The following ADAMTSL3 variants were observed in gnomAD, a reference collection of about 807,000 sequenced individuals.
ADAMTSL3 encodes ADAMTS like 3, also known as ADAMTS-like protein 3.
A neutral mutation model predicts 201.7 loss-of-function variants in ADAMTSL3; 128 were observed. That is an observed-to-expected ratio of 0.63 (90% CI 0.55 to 0.73). The LOEUF is 0.73. Ranked by LOEUF, ADAMTSL3 falls within the 30% of genes least tolerant of loss-of-function variation. The pLI is 0.00. For synonymous variants in ADAMTSL3, 738 were observed against 748.4 expected, an observed-to-expected ratio of 0.99 and a Z score of 0.23; for missense variants, 1,990 against 2,119.6, an observed-to-expected ratio of 0.94 and a Z score of 1.20.
chr15:83,960,807 G>T (rs2066953617), intron 19 of ADAMTSL3, among the ~76,000 whole-genome samples: 2 of 152,136 alleles, frequency 1.3e-5, no homozygotes, highest in African/African-American at 4.8e-5. Context: ...AAGTCTCCTA[G>T]CTCGTTTCTC....
At chr15:83,961,149 G>A (rs968423919) in intron 19 of ADAMTSL3, among the ~76,000 whole-genome samples, 2 of 152,070 alleles carry the variant, frequency 1.3e-5, no homozygotes, top group Non-Finnish European at 2.9e-5. Flanking sequence ...TTTTTAAATG[G>A]CAGATACAAA....
rs1332469133 is a variant in ADAMTSL3 at position 84,021,587 on chromosome 15, C to T, written c.4451C>T (p.Pro1484Leu). The T allele has an allele frequency of 6.2e-7, 1 of 1,613,506 alleles. No individual in the cohort carries two copies. Among genetic ancestry groups the T allele is most frequent in the Non-Finnish European group, 8.5e-7 (1 of 1,179,780 alleles). ...GAGCCCTGTAACATCCGGGACTGCC[C>T]AGCGAGGTAAGTGAAGTCACTCTTT... is the stretch of plus-strand genomic sequence containing the variant. ...GFEPCNIRDCPARWFTSVWSQ... is the reference protein window; with the variant it reads ...GFEPCNIRDCLARWFTSVWSQ... The change falls in exon 26 of 30, where the codon CCA becomes CTA. Residue 1484 changes from proline to leucine, a missense_variant. Pro to Leu is a moderately conservative substitution (Grantham distance 98, BLOSUM62 -3). Coordinates refer to ENST00000286744, the MANE Select transcript of ADAMTSL3 (RefSeq NM_207517.3).
chr15:83,757,167 CTG>C (rs1269448638), intron 3 of ADAMTSL3, among the ~76,000 whole-genome samples: 3 of 152,238 alleles, frequency 2.0e-5, no homozygotes, highest in African/African-American at 7.2e-5. Context: ...AGTGGTGACT[CTG>C]TGTGGGGCCC....
intron 2 of ADAMTSL3, among the ~76,000 whole-genome samples, chr15:83,683,068 A>T (rs960323447): frequency 2.0e-5 from 3 of 152,206 alleles, no homozygotes; most frequent in Non-Finnish European, 4.4e-5. Context: ...CCACAAATTC[A>T]ATTTAAGGCA....
intron 2 of ADAMTSL3, among the ~76,000 whole-genome samples, chr15:83,672,183 G>C (rs1407617012): frequency 6.6e-6 from 1 of 152,096 alleles, no homozygotes. Context: ...TCTGAGGGTT[G>C]GTATAGCTCA....
chr15:83,690,504 T>C (rs921055969), intron 2 of ADAMTSL3, among the ~76,000 whole-genome samples: 1 of 152,216 alleles, frequency 6.6e-6, no homozygotes, highest in Non-Finnish European at 1.5e-5. Context: ...CCTCTCCATT[T>C]TTCTGGCTAA....
intron 15 of ADAMTSL3, among the ~76,000 whole-genome samples, chr15:83,906,618 CACACCACACACACACACACA>C (rs2065839173): frequency 3.9e-5 from 1 of 25,628 alleles, no homozygotes; most frequent in East Asian, 1.5e-3. Flanking sequence ...TATAGTGCCA[CACACCACACACACACACACA>C]CACACACACA....
intron 4 of ADAMTSL3, among the ~76,000 whole-genome samples, chr15:83,796,746 A>G (rs2063433953): frequency 6.6e-6 from 1 of 152,220 alleles, no homozygotes; most frequent in Non-Finnish European, 1.5e-5. Context: ...GAGCCCAGAA[A>G]CAGATATATG....
intron 3 of ADAMTSL3, among the ~76,000 whole-genome samples, chr15:83,768,053 A>C (rs751447989): frequency 6.6e-6 from 1 of 152,194 alleles, no homozygotes; most frequent in South Asian, 2.1e-4. Flanking sequence ...AAAACCAACA[A>C]GAGGAAATTC....
chr15:83,705,439 G>T (rs1032947130), intron 3 of ADAMTSL3, among the ~76,000 whole-genome samples: 2 of 152,154 alleles, frequency 1.3e-5, no homozygotes, highest in Admixed American at 1.3e-4. Context: ...TTTAGGTAAA[G>T]CCTAGTCAGA....
At chr15:83,671,780 C>T (rs557633513) in intron 2 of ADAMTSL3, among the ~76,000 whole-genome samples, 38 of 152,252 alleles carry the variant, frequency 2.5e-4, no homozygotes, top group Admixed American at 2.0e-3. Context: ...GTTTTCTTGT[C>T]TCCTATTGAT....
intron 27 of ADAMTSL3, among the ~76,000 whole-genome samples, chr15:84,029,566 T>C (rs1182243826): frequency 6.6e-6 from 1 of 152,198 alleles, no homozygotes; most frequent in Admixed American, 6.5e-5. Flanking sequence ...TTGGAACTTA[T>C]GTTTCAAAGG....
intron 23 of ADAMTSL3, among the ~76,000 whole-genome samples, chr15:84,008,730 A>G (rs2067945518): frequency 6.6e-6 from 1 of 152,128 alleles, no homozygotes; most frequent in Non-Finnish European, 1.5e-5. Context: ...CTAGATTAAC[A>G]TGTCCACATG....
At position 84,033,225 on chromosome 15, in the gene ADAMTSL3, C is replaced by T. The variant is rs575331552; in HGVS notation, c.4754+1793C>T. The stretch of plus-strand genomic sequence containing the variant: ...ATGCTCCTTTCCAACCCAGTCTCCA[C>T]AGTACAGCCAGAGTGAGTTTTCCCA... On this transcript the variant is annotated intron_variant, in intron 28 of 29. Transcript: ENST00000286744. 1.3e-4 allele frequency among the ~76,000 whole-genome samples: 20 copies of T among 152,300 alleles called. 1 individual carries two copies. Among genetic ancestry groups the T allele is most frequent in the Admixed American group, 2.0e-4 (3 of 15,294 alleles).
intron 6 of ADAMTSL3, among the ~76,000 whole-genome samples, chr15:83,830,721 G>T (rs970142516): frequency 6.6e-6 from 1 of 152,130 alleles, no homozygotes; most frequent in African/African-American, 2.4e-5. Flanking sequence ...TTAAAATCAG[G>T]GTATCAGCAG....
intron 26 of ADAMTSL3, among the ~76,000 whole-genome samples, 198 bp downstream of exon 26, chr15:84,021,791 GA>G (rs1281742779): frequency 6.6e-6 from 1 of 152,142 alleles, no homozygotes; most frequent in Non-Finnish European, 1.5e-5. Context: ...CGTAGATGGG[GA>G]AACTCCCCTA....
intron 2 of ADAMTSL3, among the ~76,000 whole-genome samples, chr15:83,702,778 A>G (rs1289150874): frequency 1.3e-5 from 2 of 152,202 alleles, no homozygotes; most frequent in African/African-American, 4.8e-5. Flanking sequence ...CCTGTGCAAT[A>G]GCAGTACGGA....
At chr15:83,712,939 C>T (rs1596071539) in intron 3 of ADAMTSL3, among the ~76,000 whole-genome samples, 2 of 152,188 alleles carry the variant, frequency 1.3e-5, no homozygotes, top group Non-Finnish European at 2.9e-5. Flanking sequence ...CCTTCTCCTT[C>T]ACCTCCTCCT....
At chr15:83,909,072 T>C (rs1326617952) in intron 15 of ADAMTSL3, among the ~76,000 whole-genome samples, 2 of 152,220 alleles carry the variant, frequency 1.3e-5, no homozygotes, top group African/African-American at 4.8e-5. Context: ...CCAGCAACAG[T>C]GGGTAAATTC....
Sources: allele counts gnomAD v4.1 joint callset (sites outside exome capture counted in the v4.1 genomes callset), GRCh38; gene constraint gnomAD v4.1.1; transcripts MANE v1.5; gene names NCBI Gene and HGNC (gene_info 2026-07-23, HGNC 2026-07-21).